TARDBP: variants seen among roughly 807,000 people sequenced by gnomAD.
TARDBP encodes TAR DNA-binding protein 43.
TARDBP carries 4 observed loss-of-function variants against 38.3 expected under a neutral mutation model. The ratio of observed to expected loss-of-function variants is 0.10; its 90% confidence interval spans 0.05 to 0.24. TARDBP has a LOEUF of 0.24. Among genes scored for constraint, TARDBP ranks in the 10% least tolerant of loss-of-function variants. TARDBP has a pLI of 1.00. For missense variants in TARDBP, 202 were observed against 521.9 expected, an observed-to-expected ratio of 0.39 and a Z score of 5.97; for synonymous variants, 184 against 183.8, an observed-to-expected ratio of 1.00 and a Z score of -0.01.
rs867513243 is a variant in TARDBP, at chr1:11,022,993, A to G, written c.*339A>G. On this transcript the variant is annotated 3_prime_UTR_variant, in exon 6 of 6. Transcript: ENST00000240185. This position sits in a 1 kb window ranked among gnomAD's most constrained non-coding sequence, Gnocchi z 4.5. ...GTCAAGTGAATTCTTTGCATGTTCA[A>G]AACGGAAACCATTGATTAGAACTAC... 3 of 1,400,448 alleles carry G rather than the reference A, an allele frequency of 2.1e-6. No homozygotes were observed. Among genetic ancestry groups the G allele is most frequent in the South Asian group, 3.5e-5 (2 of 57,294 alleles). 86.8% of individuals were successfully genotyped at this position (1,400,448 alleles called of 1,614,324 possible).
chr1:11,023,089 G>A lies in TARDBP; in HGVS notation c.*435G>A. 2 of 1,495,478 alleles carry A rather than the reference G, an allele frequency of 1.3e-6. No homozygotes were observed. Among genetic ancestry groups the A allele is most frequent in the African/African-American group, 1.4e-5 (1 of 71,156 alleles). 92.6% of individuals were successfully genotyped at this position (1,495,478 alleles called of 1,614,324 possible). A position where few individuals can be genotyped will look rare whatever the true frequency, so the allele number is the denominator to read the frequency against. On this transcript the variant is annotated 3_prime_UTR_variant, in exon 6 of 6. Transcript: ENST00000240185. Reference sequence around the variant, plus strand: ...TTTCCTTAAGAAAATCTCCTTTTAGGAGATCATGGTGTCACAGTGTTTGGT... The same window carrying A: ...TTTCCTTAAGAAAATCTCCTTTTAGAAGATCATGGTGTCACAGTGTTTGGT...
downstream of TARDBP, chr1:11,027,675 A>C (rs1189459003): frequency 1.9e-5 from 29 of 1,548,180 alleles, no homozygotes; most frequent in Non-Finnish European, 2.5e-5. Context: ...ATAGGTAGAG[A>C]GCCTTTGTAA....
chr1:11,028,697 GTTTTTTTTCTTTTTTTTTT>G (rs1643782447), downstream of TARDBP, among the ~76,000 whole-genome samples: 1 of 36,178 alleles, frequency 2.8e-5, no homozygotes, highest in Non-Finnish European at 5.3e-5. Context: ...ATCTTTCTGG[GTTTTTTTTCTTTTTTTTTT>G]TTTTTTTTTT....
rs1553160010 is a variant in TARDBP, at chr1:11,024,803, CTG to C, written c.*2151_*2152del. On this transcript the variant is annotated 3_prime_UTR_variant, in exon 6 of 6. Coordinates refer to ENST00000240185, the MANE Select transcript of TARDBP (RefSeq NM_007375.4). The stretch of plus-strand genomic sequence containing the variant: ...ATGTAAAAGCAATAACATTGATTCT[CTG>C]TTGTACTTTTTTGTAACTAATTCTG... The C allele has an allele frequency of 3.3e-5, 5 of 152,660 alleles. No homozygotes were observed. The highest frequency in any genetic ancestry group is 7.3e-5 in the Non-Finnish European group (5 of 68,050). 9.5% of individuals were successfully genotyped at this position (152,660 alleles called of 1,614,324 possible).
At position 11,018,642 on chromosome 1, in the gene TARDBP, CCATT is replaced by C. The variant is rs1643576653; in HGVS notation, c.403-88_403-85del. On this transcript the variant is annotated intron_variant, in intron 3 of 5. Transcript: ENST00000240185. ...TTTAAGCCACTGCATCCAGTTGAAA[CCATT>C]CAAATTGTTTTCTAAGGAACTATGA... The C allele has an allele frequency of 2.5e-6, 4 of 1,583,338 alleles. No individual in the cohort carries two copies. The East Asian group carries it at 8.9e-5, about 35-fold the overall frequency.
chr1:11,027,278 T>G (rs1289727940), downstream of TARDBP: 2 of 1,614,008 alleles, frequency 1.2e-6, no homozygotes, highest in Admixed American at 1.7e-5. Context: ...ATTCAGCTTC[T>G]TTTCTTGGCA....
intron 4 of TARDBP, 65 bp from the exon 5 acceptor site, chr1:11,020,364 C>G: frequency 1.3e-6 from 2 of 1,594,848 alleles, no homozygotes; most frequent in South Asian, 1.1e-5. Flanking sequence ...TATCCCTTAC[C>G]TTAATGTTTT....
downstream of TARDBP, chr1:11,026,787 T>A: frequency 9.7e-7 from 1 of 1,028,812 alleles, no homozygotes; most frequent in Non-Finnish European, 1.3e-6. Flanking sequence ...ACAACTGCCA[T>A]GTCCACAGTA....
Position 11,016,875 on chromosome 1 carries a change from T to C in TARDBP, c.270T>C (p.Ala90=). The change falls in exon 3 of 6, where the codon GCT becomes GCC. Residue 90 remains alanine, a synonymous_variant. Transcript: ENST00000240185. ...AAAGAAAAATGGATGAGACAGATGC[T>C]TCATCAGCAGTGAAAGTGAAAAGAG... ...DNKRKMDETD[A]SSAVKVKRAV... is the part of the protein sequence containing the mutation. 6.2e-7 allele frequency: 1 copy of C among 1,614,176 alleles called. No individual in the cohort carries two copies. Among genetic ancestry groups the C allele is most frequent in the South Asian group, 1.1e-5 (1 of 91,088 alleles).
In TARDBP at chr1:11,022,094, T is replaced by A; in HGVS notation, c.715-30T>A. ...AAATATATGAATCAGTGGTTTAATC[T>A]TCTTTGTTTACATCCCTTATTTCTT... On this transcript the variant is annotated intron_variant, in intron 5 of 5. Coordinates refer to ENST00000240185, the MANE Select transcript of TARDBP (RefSeq NM_007375.4). The surrounding 1 kb of genome is among the most constrained non-coding windows in gnomAD (Gnocchi z 4.5). The A allele has an allele frequency of 1.9e-6, 3 of 1,613,554 alleles. No homozygotes were observed. The highest frequency in any genetic ancestry group is 2.5e-6 in the Non-Finnish European group (3 of 1,179,526).
chr1:11,016,204 G>A (rs941370871), intron 2 of TARDBP: 1 of 152,946 alleles, frequency 6.5e-6, no homozygotes, highest in African/African-American at 2.4e-5. Flanking sequence ...CTCCCAAAGT[G>A]CTGGGATTAC....
rs1399738284 is a variant in TARDBP at position 11,013,916 on chromosome 1, C to T, written c.189C>T (p.Ala63=). 1.9e-6 allele frequency: 3 copies of T among 1,614,154 alleles called. No individual in the cohort carries two copies. Among genetic ancestry groups the T allele is most frequent in the East Asian group, 4.5e-5 (2 of 44,888 alleles). ...GVRLVEGILH[A]PDAGWGNLVY... Reference sequence around the variant, plus strand: ...GGCTGGTAGAAGGAATTCTGCATGCCCCAGATGCTGGCTGGGGAAATCTGG... The same window carrying T: ...GGCTGGTAGAAGGAATTCTGCATGCTCCAGATGCTGGCTGGGGAAATCTGG... The change falls in exon 2 of 6, where the codon GCC becomes GCT. Residue 63 remains alanine, a synonymous_variant. Coordinates refer to ENST00000240185, the MANE Select transcript of TARDBP (RefSeq NM_007375.4).
rs1282554389 is a variant in TARDBP at position 11,024,735 on chromosome 1, A to G, written c.*2081A>G. The G allele has an allele frequency of 6.6e-6, 1 of 152,670 alleles. No individual in the cohort carries two copies. The highest frequency in any genetic ancestry group is 1.5e-5 in the Non-Finnish European group (1 of 68,058). The allele number at this position is 152,670 out of a possible 1,614,324, so 9.5% of individuals were successfully genotyped here. The stretch of plus-strand genomic sequence containing the variant: ...TGGTAACATTGAATACAGTTGAATA[A>G]AATCGCTTACAAAACTCACACTCTC... On this transcript the variant is annotated 3_prime_UTR_variant, in exon 6 of 6. Coordinates refer to ENST00000240185, the MANE Select transcript of TARDBP (RefSeq NM_007375.4).
At chr1:11,027,945 C>T (rs769206508), downstream of TARDBP, among the ~76,000 whole-genome samples, 30 of 152,126 alleles carry the variant, frequency 2.0e-4, no homozygotes, top group Non-Finnish European at 3.5e-4. Flanking sequence ...GAAAATTGGC[C>T]GGGTGCAGTG....
intron 3 of TARDBP, chr1:11,018,326 C>A: frequency 4.0e-6 from 1 of 250,118 alleles, no homozygotes; most frequent in Non-Finnish European, 7.9e-6. Flanking sequence ...GTAGCTGGGA[C>A]TACAGGTGCA....
chr1:11,017,132 C>T, intron 3 of TARDBP, 125 bp downstream of exon 3: 1 of 1,027,050 alleles, frequency 9.7e-7, no homozygotes, highest in South Asian at 1.3e-5. Context: ...AACTCCTGGG[C>T]CCATACTGTC....
downstream of TARDBP, among the ~76,000 whole-genome samples, chr1:11,028,447 T>C (rs1056108414): frequency 6.6e-6 from 1 of 152,228 alleles, no homozygotes; most frequent in Admixed American, 6.5e-5. Flanking sequence ...GAAATTAGAA[T>C]GTTGCAGTTG....
rs1365626375 is a variant in TARDBP, at chr1:11,013,637, C to T, written c.-12-79C>T. The T allele has an allele frequency of 5.0e-6, 6 of 1,206,638 alleles. No homozygotes were observed. In the South Asian group the frequency reaches 5.2e-5, roughly 10 times the overall value. 74.7% of individuals were successfully genotyped at this position (1,206,638 alleles called of 1,614,324 possible). ...ATTTTTCTGGAAGTCAGAACTCTGA[C>T]ATGGTTTGGGTATTATCATTATAAG... On this transcript the variant is annotated intron_variant, in intron 1 of 5. Transcript: ENST00000240185.
At chr1:11,021,842 A>G (rs750577075) in intron 5 of TARDBP, among the ~76,000 whole-genome samples, 6 of 151,020 alleles carry the variant, frequency 4.0e-5, no homozygotes, top group Non-Finnish European at 7.4e-5. Flanking sequence ...GTCTTGAACT[A>G]TTGGCCTCAC....
Sources: gnomAD v4.1 joint callset for allele counts (sites outside exome capture counted in the v4.1 genomes callset) on GRCh38, gnomAD v4.1.1 for gene constraint, Gnocchi (gnomAD v3.1) non-coding constraint, MANE v1.5 for transcripts, NCBI Gene and HGNC (gene_info 2026-07-23, HGNC 2026-07-21) for gene names.